The following CNTNAP2 variants were observed in gnomAD, a reference collection of about 807,000 sequenced individuals.
CNTNAP2 encodes the protein contactin associated protein 2.
A neutral mutation model predicts 155.2 loss-of-function variants in CNTNAP2; 98 were observed. The ratio of observed to expected loss-of-function variants is 0.63; its 90% CI spans 0.54 to 0.75. The LOEUF (loss-of-function observed/expected upper bound fraction) is 0.75, where lower values mean the gene tolerates loss of function less well. Among genes scored for constraint, CNTNAP2 ranks in the 30% least tolerant of loss-of-function variants. The probability of loss-of-function intolerance (pLI) is 0.00; values close to 1 mark genes in which losing one functional copy is unlikely to be tolerated. For synonymous variants in CNTNAP2, 651 were observed against 631.2 expected, an observed-to-expected ratio of 1.03 and a Z score of -0.47; for missense variants, 1,727 against 1,688.1, an observed-to-expected ratio of 1.02 and a Z score of -0.40.
chr7:146,499,377 C>G (rs757916086), intron 1 of CNTNAP2, among the ~76,000 whole-genome samples: 2 of 152,056 alleles, frequency 1.3e-5, no homozygotes, highest in Non-Finnish European at 2.9e-5. Flanking sequence ...GACCGGGTTT[C>G]ACTAATCTAT....
chr7:146,233,190 G>A (rs1371830037), intron 1 of CNTNAP2, among the ~76,000 whole-genome samples: 1 of 151,658 alleles, frequency 6.6e-6, no homozygotes, highest in East Asian at 1.9e-4. Flanking sequence ...TTTTTATTAT[G>A]GTTTACTTGA....
intron 13 of CNTNAP2, among the ~76,000 whole-genome samples, chr7:147,665,441 G>A: frequency 6.6e-6 from 1 of 152,144 alleles, no homozygotes. Context: ...GTCTTGTGGT[G>A]AATATATATT....
intron 10 of CNTNAP2, among the ~76,000 whole-genome samples, chr7:147,439,596 A>G (rs1797605219): frequency 1.3e-5 from 2 of 151,954 alleles, no homozygotes; most frequent in African/African-American, 2.4e-5. Context: ...TATTAGATCC[A>G]TTTGGTCTAT....
chr7:146,965,476 G>C (rs534742533), intron 3 of CNTNAP2, among the ~76,000 whole-genome samples: 1 of 151,970 alleles, frequency 6.6e-6, no homozygotes, highest in African/African-American at 2.4e-5. Flanking sequence ...ATTCAGGCAA[G>C]GTGTATTAAA....
At chr7:147,596,785 G>A (rs1291590821) in intron 12 of CNTNAP2, among the ~76,000 whole-genome samples, 1 of 152,146 alleles carries the variant, frequency 6.6e-6, no homozygotes, top group East Asian at 1.9e-4. Context: ...TGGAATAGGA[G>A]GTTGGCACAA....
At chr7:147,161,489 A>C (rs1802021516) in intron 8 of CNTNAP2, 1 of 152,186 alleles carries the variant, frequency 6.6e-6, no homozygotes, top group Non-Finnish European at 1.5e-5. Context: ...CAGGAACTCA[A>C]TACCAATATG....
chr7:147,875,335 T>C (rs1257448019), intron 13 of CNTNAP2, among the ~76,000 whole-genome samples: 1 of 152,142 alleles, frequency 6.6e-6, no homozygotes, highest in Non-Finnish European at 1.5e-5. Context: ...GTCATGTCTT[T>C]CCGGGCAGGC....
intron 1 of CNTNAP2, among the ~76,000 whole-genome samples, chr7:146,731,867 A>G (rs1006981762): frequency 2.6e-5 from 4 of 152,096 alleles, no homozygotes; most frequent in African/African-American, 9.7e-5. Context: ...GAAAAAATAT[A>G]CTCATGTATA....
At chr7:146,869,885 T>C (rs1428984572) in intron 3 of CNTNAP2, among the ~76,000 whole-genome samples, 2 of 152,162 alleles carry the variant, frequency 1.3e-5, no homozygotes, top group Non-Finnish European at 2.9e-5. Context: ...GACTCGAATA[T>C]TAATCTCTTC....
intron 1 of CNTNAP2, among the ~76,000 whole-genome samples, chr7:146,351,046 G>A (rs1794907619): frequency 7.3e-6 from 1 of 136,136 alleles, no homozygotes; most frequent in African/African-American, 3.0e-5. Flanking sequence ...GGGGGAGGGT[G>A]GAGGGATAGC....
intron 1 of CNTNAP2, among the ~76,000 whole-genome samples, chr7:146,536,857 A>AT (rs1283787461): frequency 1.3e-5 from 2 of 152,116 alleles, no homozygotes; most frequent in African/African-American, 4.8e-5. Flanking sequence ...AATCATCAAT[A>AT]TTTTTAATTT....
At chr7:148,245,362 A>G (rs779087146) in intron 20 of CNTNAP2, among the ~76,000 whole-genome samples, 3 of 152,240 alleles carry the variant, frequency 2.0e-5, no homozygotes, top group Admixed American at 6.5e-5. Context: ...TAAAAAAATA[A>G]TATGTGTAAA....
intron 12 of CNTNAP2, among the ~76,000 whole-genome samples, chr7:147,585,188 G>C (rs1386042218): frequency 2.6e-5 from 4 of 152,100 alleles, no homozygotes; most frequent in Non-Finnish European, 5.9e-5. Flanking sequence ...CATATTTACA[G>C]ACCTGGGTTG....
chr7:147,651,898 A>G (rs1795455541), intron 13 of CNTNAP2, among the ~76,000 whole-genome samples: 1 of 152,138 alleles, frequency 6.6e-6, no homozygotes, highest in Admixed American at 6.6e-5. Context: ...TCTTTCTACA[A>G]CCTTCGGAAA....
chr7:146,869,426 T>C (rs1795264762), intron 3 of CNTNAP2, among the ~76,000 whole-genome samples: 2 of 152,168 alleles, frequency 1.3e-5, no homozygotes, highest in African/African-American at 4.8e-5. Flanking sequence ...AGTTTTGTAT[T>C]AGTCAGGATT....
chr7:147,414,351 G>C (rs1797152122), intron 10 of CNTNAP2, among the ~76,000 whole-genome samples: 1 of 151,414 alleles, frequency 6.6e-6, no homozygotes, highest in African/African-American at 2.4e-5. Flanking sequence ...TTGTACCTGG[G>C]AGGCAGGGGC....
At chr7:146,375,378 A>G (rs1482418700) in intron 1 of CNTNAP2, among the ~76,000 whole-genome samples, 5 of 152,210 alleles carry the variant, frequency 3.3e-5, no homozygotes, top group Non-Finnish European at 7.3e-5. Context: ...AAACAATCAC[A>G]GATAATCTTC....
chr7:147,551,361 T>G (rs1218921913), intron 11 of CNTNAP2, among the ~76,000 whole-genome samples: 2 of 152,200 alleles, frequency 1.3e-5, no homozygotes, highest in Non-Finnish European at 2.9e-5. Flanking sequence ...CTGGAATATT[T>G]GAAAATATTA....
chr7:148,209,647 C>A (rs920366231), intron 18 of CNTNAP2, among the ~76,000 whole-genome samples: 5 of 152,210 alleles, frequency 3.3e-5, no homozygotes, highest in Admixed American at 3.3e-4. Flanking sequence ...CATTGCATAG[C>A]CTATTCAATG....
Sources: allele counts gnomAD v4.1 joint callset (sites outside exome capture counted in the v4.1 genomes callset), GRCh38; gene constraint gnomAD v4.1.1; transcripts MANE v1.5; gene names NCBI Gene and HGNC (gene_info 2026-07-23, HGNC 2026-07-21).